The following HTR4 variants were observed in gnomAD, a reference collection of about 807,000 sequenced individuals.
The protein encoded by HTR4 is 5-hydroxytryptamine (serotonin) receptor 4, G protein-coupled.
A neutral mutation model predicts 36.8 loss-of-function variants in HTR4; 16 were observed. The observed-to-expected ratio is 0.43, with a 90% CI of 0.29 to 0.66. HTR4 has a LOEUF of 0.66. Ranked by LOEUF, HTR4 falls within the 30% of genes least tolerant of loss-of-function variation. The probability of loss-of-function intolerance (pLI) is 0.13; values close to 1 mark genes in which losing one functional copy is unlikely to be tolerated. For synonymous variants in HTR4, 189 were observed against 185.1 expected (o/e 1.02, Z -0.17); for missense variants, 438 against 490.9 (o/e 0.89, Z 1.02).
At chr5:148,522,153 C>T (rs916312458) in intron 5 of HTR4, among the ~76,000 whole-genome samples, 3 of 152,160 alleles carry the variant, frequency 2.0e-5, no homozygotes, top group Non-Finnish European at 4.4e-5. Context: ...TAAGATGTGC[C>T]TTTTGCCTCC....
intron 5 of HTR4, among the ~76,000 whole-genome samples, chr5:148,451,551 T>C (rs1581325117): frequency 1.3e-5 from 2 of 152,098 alleles, no homozygotes; most frequent in South Asian, 4.1e-4. Flanking sequence ...AACCCAGATT[T>C]CTTACTGCCA....
intron 6 of HTR4, among the ~76,000 whole-genome samples, chr5:148,504,940 C>G (rs1047259061): frequency 1.3e-5 from 2 of 152,118 alleles, no homozygotes; most frequent in African/African-American, 4.8e-5. Context: ...CAAGACTAAA[C>G]CAGGAAGAAG....
intron 1 of HTR4, among the ~76,000 whole-genome samples, chr5:148,647,163 A>T (rs116748112): frequency 6.6e-6 from 1 of 152,352 alleles, no homozygotes; most frequent in African/African-American, 2.4e-5. Flanking sequence ...CCACTCATGA[A>T]GTTCAAATAA....
At chr5:148,540,436 A>T in intron 4 of HTR4, among the ~76,000 whole-genome samples, 1 of 135,812 alleles carries the variant, frequency 7.4e-6, no homozygotes, top group Non-Finnish European at 1.6e-5. Flanking sequence ...ATATATATAT[A>T]TATATATATA....
At chr5:148,515,851 G>T (rs1392589500) in intron 5 of HTR4, among the ~76,000 whole-genome samples, 1 of 151,546 alleles carries the variant, frequency 6.6e-6, no homozygotes. Flanking sequence ...CTGACTGATG[G>T]CTTTTATCTT....
intron 3 of HTR4, 101 bp from the exon 4 acceptor site, chr5:148,548,969 A>C (rs375026773): frequency 1.2e-6 from 1 of 813,550 alleles, no homozygotes. Flanking sequence ...AGGGAAACAA[A>C]GAAAGAAGAA....
chr5:148,575,174 G>A (rs1760844050), intron 2 of HTR4, among the ~76,000 whole-genome samples: 1 of 151,926 alleles, frequency 6.6e-6, no homozygotes, highest in Admixed American at 6.6e-5. Context: ...CAATTTTGAG[G>A]CTAGTGTAAT....
At chr5:148,552,819 G>A (rs1016758823) in intron 2 of HTR4, among the ~76,000 whole-genome samples, 1 of 152,150 alleles carries the variant, frequency 6.6e-6, no homozygotes, top group Non-Finnish European at 1.5e-5. Context: ...TACATGAAAT[G>A]CTATGTATTA....
At chr5:148,639,617 GTATATATATATATA>G (rs370514542) in intron 1 of HTR4, among the ~76,000 whole-genome samples, 2 of 111,866 alleles carry the variant, frequency 1.8e-5, no homozygotes, top group African/African-American at 3.7e-5. Flanking sequence ...TTTCTTCCCA[GTATATATATATATA>G]TATATATATA....
chr5:148,507,094 A>C (rs1757256322), intron 6 of HTR4, among the ~76,000 whole-genome samples: 1 of 152,120 alleles, frequency 6.6e-6, no homozygotes, highest in South Asian at 2.1e-4. Flanking sequence ...TTGCGGCACT[A>C]TTCACAATAG....
chr5:148,451,987 C>T (rs1424522208), intron 5 of HTR4, among the ~76,000 whole-genome samples: 1 of 152,168 alleles, frequency 6.6e-6, no homozygotes, highest in Non-Finnish European at 1.5e-5. Flanking sequence ...GAAGCATGTT[C>T]ACCACTCATT....
intron 5 of HTR4, chr5:148,520,968 A>G (rs1342660032): frequency 2.2e-6 from 3 of 1,367,776 alleles, no homozygotes; most frequent in Non-Finnish European, 2.9e-6. Flanking sequence ...CCTTTCCTTG[A>G]AAAAGAACAA....
At chr5:148,488,835 T>A (rs1032981836) in intron 6 of HTR4, among the ~76,000 whole-genome samples, 2 of 152,166 alleles carry the variant, frequency 1.3e-5, no homozygotes, top group African/African-American at 4.8e-5. Context: ...AAGGGCCCTT[T>A]AATCTCATCA....
chr5:148,467,200 T>A (rs987015678), intron 5 of HTR4, among the ~76,000 whole-genome samples: 1 of 152,208 alleles, frequency 6.6e-6, no homozygotes, highest in Non-Finnish European at 1.5e-5. Context: ...CGGTGTTGAA[T>A]GTTCCTGCGT....
chr5:148,523,463 A>G (rs1758121517), intron 4 of HTR4, 117 bp from the exon 5 acceptor site: 2 of 682,074 alleles, frequency 2.9e-6, no homozygotes, highest in South Asian at 5.8e-5. Flanking sequence ...AGGGATAGAG[A>G]ACAGCAAACA....
At chr5:148,451,187 A>G in exon 6 of HTR4, 1 of 1,613,828 alleles carries the variant, frequency 6.2e-7, no homozygotes, top group Non-Finnish European at 8.5e-7. Context: ...GTCCTCAATC[A>G]GAAGCATGAT....
At chr5:148,457,929 ATAT>A (rs1348455378) in intron 5 of HTR4, among the ~76,000 whole-genome samples, 2 of 130,870 alleles carry the variant, frequency 1.5e-5, no homozygotes, top group Admixed American at 7.7e-5. Flanking sequence ...TCATTAAAAT[ATAT>A]TATATTTTAA....
chr5:148,543,437 C>A, intron 4 of HTR4, among the ~76,000 whole-genome samples: 1 of 152,124 alleles, frequency 6.6e-6, no homozygotes, highest in East Asian at 1.9e-4. Flanking sequence ...TATTATCTGC[C>A]GCATGCTGCT....
intron 2 of HTR4, among the ~76,000 whole-genome samples, chr5:148,569,607 T>C (rs1198873975): frequency 6.6e-6 from 1 of 151,602 alleles, no homozygotes; most frequent in Non-Finnish European, 1.5e-5. Context: ...TATTTATTAT[T>C]TTATTGTACA....
Sources: allele counts gnomAD v4.1 joint callset (sites outside exome capture counted in the v4.1 genomes callset), GRCh38; gene constraint gnomAD v4.1.1; transcripts MANE v1.5; gene names NCBI Gene and HGNC (gene_info 2026-07-23, HGNC 2026-07-21).